Variants in MKLN1 observed in about 807,000 individuals in gnomAD.
The protein encoded by MKLN1 is muskelin 1, also known as muskelin.
Under a neutral mutation model 99.0 loss-of-function variants are expected in MKLN1, and 18 were observed. The ratio of observed to expected loss-of-function variants is 0.18; its 90% confidence interval spans 0.13 to 0.27. MKLN1 has a LOEUF of 0.27. MKLN1 is among the 10% of genes least tolerant of loss of function. The pLI is 1.00. For synonymous variants in MKLN1, 288 were observed against 293.2 expected (o/e 0.98, Z 0.18); for missense variants, 621 against 875.9 (o/e 0.71, Z 3.67).
At chr7:131,219,341 T>C (rs937584065) in intron 3 of MKLN1, among the ~76,000 whole-genome samples, 1 of 152,112 alleles carries the variant, frequency 6.6e-6, no homozygotes, top group Admixed American at 6.6e-5. Flanking sequence ...CTCCCCTTGG[T>C]TTCTGTGCCC....
chr7:131,414,924 G>A (rs1794972942), intron 8 of MKLN1, among the ~76,000 whole-genome samples: 1 of 151,992 alleles, frequency 6.6e-6, no homozygotes, highest in South Asian at 2.1e-4. Flanking sequence ...ATGGAAAACT[G>A]GTGTATTTCT....
intron 1 of MKLN1, among the ~76,000 whole-genome samples, chr7:131,330,727 T>C (rs1236004392): frequency 6.6e-6 from 1 of 152,212 alleles, no homozygotes; most frequent in Non-Finnish European, 1.5e-5. Flanking sequence ...TTAAAAAAAA[T>C]TGAACAATTT....
intron 2 of MKLN1, among the ~76,000 whole-genome samples, chr7:131,169,373 C>T (rs1796183920): frequency 6.6e-6 from 1 of 152,158 alleles, no homozygotes; most frequent in Non-Finnish European, 1.5e-5. Context: ...CTGAGTTAAC[C>T]AGCTCATTGC....
intron 2 of MKLN1, among the ~76,000 whole-genome samples, chr7:131,174,902 G>T (rs988395739): frequency 6.6e-6 from 1 of 152,060 alleles, no homozygotes; most frequent in Non-Finnish European, 1.5e-5. Flanking sequence ...TTCAGACAGG[G>T]CAAGTCTGTT....
chr7:131,115,259 C>A (rs992011335), intron 1 of MKLN1, among the ~76,000 whole-genome samples: 8 of 152,180 alleles, frequency 5.3e-5, no homozygotes, highest in Admixed American at 1.3e-4. Context: ...AATTAAATGG[C>A]ATTACCACCC....
intron 4 of MKLN1, among the ~76,000 whole-genome samples, chr7:131,394,388 T>C (rs899696703): frequency 5.3e-5 from 8 of 152,008 alleles, no homozygotes; most frequent in African/African-American, 1.9e-4. Context: ...AGAGATGGTT[T>C]TGGGATGAAA....
intron 7 of MKLN1, among the ~76,000 whole-genome samples, chr7:131,414,149 A>G (rs989403594): frequency 8.5e-5 from 13 of 152,218 alleles, no homozygotes; most frequent in African/African-American, 3.1e-4. Context: ...ATTTTACAAA[A>G]TAATTGTATA....
intron 2 of MKLN1, among the ~76,000 whole-genome samples, chr7:131,146,939 T>C (rs984487638): frequency 6.6e-6 from 1 of 152,188 alleles, no homozygotes; most frequent in African/African-American, 2.4e-5. Flanking sequence ...ACAAATGCTA[T>C]AGCAGTTGCG....
chr7:131,420,447 T>TA lies in MKLN1; in HGVS notation c.847+5739dup, dbSNP rs1269737194. Reference sequence around the variant, plus strand: ...GACCTGAGCAATTAGAAAAATGGTGTAACCATTCTCTAAGATGGGTACAAC... The same window carrying TA: ...GACCTGAGCAATTAGAAAAATGGTGTAAACCATTCTCTAAGATGGGTACAAC... On this transcript the variant is annotated intron_variant, in intron 8 of 17. Coordinates refer to ENST00000352689, the MANE Select transcript of MKLN1 (RefSeq NM_013255.5). Among the ~76,000 whole-genome samples, 3 of 152,310 alleles carry TA rather than the reference T, an allele frequency of 2.0e-5. No homozygotes were observed. In the South Asian group the frequency reaches 6.2e-4, roughly 32 times the overall value.
chr7:131,282,543 G>A (rs1160431546), intron 3 of MKLN1, among the ~76,000 whole-genome samples: 1 of 152,098 alleles, frequency 6.6e-6, no homozygotes, highest in Non-Finnish European at 1.5e-5. Flanking sequence ...CAGGGGATGA[G>A]GAGGGACGTG....
chr7:131,135,556 C>T (rs1297142053), intron 1 of MKLN1, among the ~76,000 whole-genome samples: 2 of 152,190 alleles, frequency 1.3e-5, no homozygotes, highest in Non-Finnish European at 2.9e-5. Context: ...GGGAAGGGCC[C>T]AGCCAAAGAG....
intron 2 of MKLN1, among the ~76,000 whole-genome samples, chr7:131,161,957 GTGTGTGTATATATATATATATA>G (rs1563236143): frequency 4.4e-5 from 3 of 68,360 alleles, no homozygotes; most frequent in African/African-American, 1.9e-4. Flanking sequence ...ATACGTGTGT[GTGTGTGTATATATATATATATA>G]TATATATATA....
At chr7:131,486,095 CAGAGAGAGAG>C (rs141739452) in intron 17 of MKLN1, among the ~76,000 whole-genome samples, 5 of 147,742 alleles carry the variant, frequency 3.4e-5, no homozygotes, top group Admixed American at 1.4e-4. Flanking sequence ...TGGAGAGAGA[CAGAGAGAGAG>C]AGAGAGAGAG....
intron 3 of MKLN1, among the ~76,000 whole-genome samples, chr7:131,213,047 A>G (rs539803796): frequency 1.3e-5 from 2 of 151,946 alleles, no homozygotes; most frequent in African/African-American, 2.4e-5. Flanking sequence ...AATCACATTC[A>G]TTTCTCTATT....
chr7:131,373,244 T>G (rs1793524585), intron 1 of MKLN1, among the ~76,000 whole-genome samples: 1 of 152,058 alleles, frequency 6.6e-6, no homozygotes, highest in South Asian at 2.1e-4. Flanking sequence ...GTGGGACTAA[T>G]TTTATAGGGA....
chr7:131,211,203 C>T (rs905517607), intron 3 of MKLN1, among the ~76,000 whole-genome samples: 5 of 152,094 alleles, frequency 3.3e-5, no homozygotes, highest in Non-Finnish European at 7.4e-5. Context: ...CAACTATAAA[C>T]CCAATTGCTC....
chr7:131,313,637 G>T (rs1399703426), intron 3 of MKLN1, among the ~76,000 whole-genome samples: 2 of 152,222 alleles, frequency 1.3e-5, no homozygotes, highest in Non-Finnish European at 2.9e-5. Flanking sequence ...AGGAGTTTGG[G>T]TGTGTTGGAA....
chr7:131,395,540 A>G (rs1794336480), intron 4 of MKLN1, among the ~76,000 whole-genome samples: 1 of 149,848 alleles, frequency 6.7e-6, no homozygotes, highest in Non-Finnish European at 1.5e-5. Flanking sequence ...TGCACCTTGT[A>G]CTTACTGAGC....
At chr7:131,351,137 A>G (rs796641695) in intron 1 of MKLN1, among the ~76,000 whole-genome samples, 5 of 152,136 alleles carry the variant, frequency 3.3e-5, no homozygotes, top group African/African-American at 1.2e-4. Context: ...AGTCCCAACT[A>G]CTTTGGAGGC....
Sources: allele counts gnomAD v4.1 joint callset (sites outside exome capture counted in the v4.1 genomes callset), GRCh38; gene constraint gnomAD v4.1.1; transcripts MANE v1.5; gene names NCBI Gene and HGNC (gene_info 2026-07-23, HGNC 2026-07-21).